Variants in MYH13 observed in about 807,000 individuals in gnomAD.
MYH13 encodes the protein myosin-13.
MYH13 carries 177 observed loss-of-function variants against 232.1 expected under a neutral mutation model. That is an observed-to-expected ratio of 0.76 (90% CI 0.67 to 0.86). The LOEUF (loss-of-function observed/expected upper bound fraction) is 0.86, where lower values mean the gene tolerates loss of function less well. Ranked by LOEUF, MYH13 falls within the 40% of genes least tolerant of loss-of-function variation. The pLI is 0.00. For missense variants in MYH13, 2,246 were observed against 2,405.9 expected, an observed-to-expected ratio of 0.93 and a Z score of 1.39; for synonymous variants, 884 against 923.5, an observed-to-expected ratio of 0.96 and a Z score of 0.78.
At position 10,357,725 on chromosome 17, in the gene MYH13, C is replaced by A. The variant is rs751017508; in HGVS notation, c.738+10G>T. ...TTGGGAGGATACTTGAAAATTGGGCCGGATCTTACAAATCTTGAGGAGTTG... is the reference window on the plus strand; with the variant it reads ...TTGGGAGGATACTTGAAAATTGGGCAGGATCTTACAAATCTTGAGGAGTTG... On this transcript the variant is annotated intron_variant, in intron 8 of 40. Coordinates refer to ENST00000252172, the MANE Select transcript of MYH13 (RefSeq NM_003802.3). 6.2e-7 allele frequency: 1 copy of A among 1,612,012 alleles called. No individual in the cohort carries two copies. The highest frequency in any genetic ancestry group is 1.3e-5 in the African/African-American group (1 of 74,822).
At chr17:10,321,765 C>A in intron 23 of MYH13, 57 bp from the exon 24 acceptor site, 1 of 1,470,640 alleles carries the variant, frequency 6.8e-7, no homozygotes, top group Non-Finnish European at 9.2e-7. Flanking sequence ...AAGCTTCCAT[C>A]AACAAAAGCT....
chr17:10,324,570 G>A (rs560947476), intron 22 of MYH13, among the ~76,000 whole-genome samples: 132 of 151,296 alleles, frequency 8.7e-4, no homozygotes, highest in African/African-American at 3.0e-3. Context: ...TCAGCCTCCC[G>A]AGTTGCTGGG....
In MYH13 at chr17:10,355,125, A is replaced by T; in HGVS notation, c.761T>A (p.Phe254Tyr). Residue 254 changes from phenylalanine to tyrosine, a missense_variant, in exon 9 of 41, where the codon TTT (phenylalanine) becomes TAT (tyrosine). By Grantham distance (22) the Phe-to-Tyr change is conservative. Coordinates refer to ENST00000252172, the MANE Select transcript of MYH13 (RefSeq NM_003802.3). ...CGATGCCAGCTTTCCTGTGGCTCCA[A>T]AATGAATCCGAATGAACTTCCCCTG... ...SRFGKFIRIH[F>Y]GATGKLASAD... 1 of 1,585,784 alleles carries T rather than the reference A, an allele frequency of 6.3e-7. No homozygotes were observed. Among genetic ancestry groups the T allele is most frequent in the East Asian group, 2.3e-5 (1 of 43,896 alleles).
intron 7 of MYH13, among the ~76,000 whole-genome samples, chr17:10,358,235 A>C (rs1412145038): frequency 6.6e-6 from 1 of 152,212 alleles, no homozygotes; most frequent in African/African-American, 2.4e-5. Context: ...TGAGCAAAGC[A>C]AGCGACCCAG....
chr17:10,335,527 C>T (rs1395266181), intron 18 of MYH13, among the ~76,000 whole-genome samples: 4 of 152,032 alleles, frequency 2.6e-5, no homozygotes, highest in African/African-American at 4.8e-5. Context: ...CCGAGGTGGG[C>T]GGATCGCCTG....
intron 22 of MYH13, chr17:10,324,759 T>TTTTTTTTG (rs1394639253): frequency 1.2e-5 from 1 of 86,694 alleles, no homozygotes; most frequent in East Asian, 3.0e-4. Context: ...TATACATGTT[T>TTTTTTTTG]TTTTTTTTTT....
rs367812040 is a variant in MYH13, at chr17:10,315,835, C to T, written c.3866-24G>A. 148 of 1,613,906 alleles carry T rather than the reference C, an allele frequency of 9.2e-5. No individual in the cohort carries two copies. In the Middle Eastern group the frequency reaches 9.9e-4, roughly 11 times the overall value. On this transcript the variant is annotated intron_variant, in intron 28 of 40. Coordinates refer to ENST00000252172, the MANE Select transcript of MYH13 (RefSeq NM_003802.3). ...CCCTACCAAACAGATGTGGCCCCCACGTCAGTGTTACTGACCACCCTCTCC... is the reference window on the plus strand; with the variant it reads ...CCCTACCAAACAGATGTGGCCCCCATGTCAGTGTTACTGACCACCCTCTCC...
chr17:10,356,115 C>G (rs989755247), intron 8 of MYH13, among the ~76,000 whole-genome samples: 1 of 152,054 alleles, frequency 6.6e-6, no homozygotes, highest in Non-Finnish European at 1.5e-5. Context: ...CGACACTGTG[C>G]GCAAATTTGA....
At chr17:10,321,985 G>A (rs1216425038) in intron 23 of MYH13, among the ~76,000 whole-genome samples, 1 of 152,170 alleles carries the variant, frequency 6.6e-6, no homozygotes, top group Admixed American at 6.5e-5. Flanking sequence ...CCTCTGAAGG[G>A]TAAAACATCA....
In MYH13 at chr17:10,320,311, T is replaced by G. The variant is rs367910850; in HGVS notation, c.3257+40A>C. 6.9e-5 allele frequency: 111 copies of G among 1,608,860 alleles called. No homozygotes were observed. In the Middle Eastern group the frequency reaches 8.2e-4, roughly 12 times the overall value. ...CCTCTTGGAGGGGGTGAAAGTTGGCTTTTAGGCTGAGACACAGAGGTGGTA... is the reference window on the plus strand; with the variant it reads ...CCTCTTGGAGGGGGTGAAAGTTGGCGTTTAGGCTGAGACACAGAGGTGGTA... On this transcript the variant is annotated intron_variant, in intron 25 of 40. Coordinates refer to ENST00000252172, the MANE Select transcript of MYH13 (RefSeq NM_003802.3).
Position 10,320,168 on chromosome 17 carries a change from C to G in MYH13, c.3333G>C (p.Lys1111Asn), listed in dbSNP as rs1349886110. 3.8e-6 allele frequency: 6 copies of G among 1,590,164 alleles called. No homozygotes were observed. In the South Asian group the frequency reaches 6.9e-5, roughly 18 times the overall value. The change falls in exon 26 of 41, where the codon AAG (lysine) becomes AAC (asparagine). Residue 1111 changes from lysine (K) to asparagine (N), a missense_variant. Physicochemically the swap from Lys to Asn is moderately conservative, Grantham distance 94. Transcript: ENST00000252172. Reference sequence around the variant, plus strand: ...ATGCTTTTACTTGCAGTTCTTTAATCTTCTTTTGAAACTGCAAACTGTGGA... The same window carrying G: ...ATGCTTTTACTTGCAGTTCTTTAATGTTCTTTTGAAACTGCAAACTGTGGA... ...EQVHSLQFQK[K>N]IKELQARIEE...
chr17:10,312,602 A>C lies in MYH13; in HGVS notation c.4337T>G (p.Leu1446Arg). 6.2e-7 allele frequency: 1 copy of C among 1,613,210 alleles called. No individual in the cohort carries two copies. The highest frequency in any genetic ancestry group is 1.1e-5 in the South Asian group (1 of 90,818). The change falls in exon 31 of 41, where the codon CTG (leucine) becomes CGG (arginine). Residue 1446 changes from leucine to arginine, a missense_variant. Leu to Arg is a moderately radical substitution (Grantham distance 102). Coordinates refer to ENST00000252172, the MANE Select transcript of MYH13 (RefSeq NM_003802.3). Reference sequence around the variant, plus strand: ...GTCGAAGTTCCTCTGCTTCTTGTCCAGTGTGGCACAGGCGGTGTGGGAGCG... The same window carrying C: ...GTCGAAGTTCCTCTGCTTCTTGTCCCGTGTGGCACAGGCGGTGTGGGAGCG... ...LERSHTACAT[L>R]DKKQRNFDKV...
intron 13 of MYH13, 21 bp from the exon 14 acceptor site, chr17:10,345,637 T>C (rs376933812): frequency 6.2e-7 from 1 of 1,614,150 alleles, no homozygotes; most frequent in South Asian, 1.1e-5. Flanking sequence ...GATCACCCAC[T>C]CAACCCTTGA....
Position 10,362,411 on chromosome 17 carries a change from T to C in MYH13, c.297A>G (p.Glu99=), listed in dbSNP as rs1297857922. ...CTTTGAGGTTGTACAGAACAGCAGG[T>C]TCATGCAGGTGAGTCATCATGGCCA... ...EDMAMMTHLH[E]PAVLYNLKER... The change falls in exon 4 of 41, where the codon GAA becomes GAG. Residue 99 remains glutamate, a synonymous_variant. Coordinates refer to ENST00000252172, the MANE Select transcript of MYH13 (RefSeq NM_003802.3). The C allele has an allele frequency of 4.3e-6, 7 of 1,614,012 alleles. No individual in the cohort carries two copies. Among genetic ancestry groups the C allele is most frequent in the African/African-American group, 4.0e-5 (3 of 74,890 alleles).
chr17:10,362,452 C>G lies in MYH13; in HGVS notation c.256G>C (p.Asp86His). 3 of 1,614,046 alleles carry G rather than the reference C, an allele frequency of 1.9e-6. No individual in the cohort carries two copies. The highest frequency in any genetic ancestry group is 2.5e-6 in the Non-Finnish European group (3 of 1,180,024). The change falls in exon 4 of 41, where the codon GAC (aspartate) becomes CAC (histidine). Residue 86 changes from aspartate (D) to histidine (H), a missense_variant. Transcript: ENST00000252172. ...ATCATGGCCATGTCCTCGATCTTGTCAAATTTGGGAGGGTTCATGGGGAAG... is the reference window on the plus strand; with the variant it reads ...ATCATGGCCATGTCCTCGATCTTGTGAAATTTGGGAGGGTTCATGGGGAAG... Reference protein sequence around the residue: ...QVFPMNPPKFDKIEDMAMMTH... With the variant: ...QVFPMNPPKFHKIEDMAMMTH...
At chr17:10,348,358 G>A (rs757383595) in intron 12 of MYH13, among the ~76,000 whole-genome samples, 5 of 152,318 alleles carry the variant, frequency 3.3e-5, no homozygotes, top group African/African-American at 7.2e-5. Context: ...CTCTAGAGTC[G>A]GACTGCTCTA....
At position 10,330,411 on chromosome 17, in the gene MYH13, T is replaced by C. The variant is rs764601650; in HGVS notation, c.2411A>G (p.Glu804Gly). ...AVCRGYLMRV[E>G]FKKMMERRDS... ...CCTCCTCTCCATCATCTTCTTGAAC[T>C]CCACCCGCATCAGGTACCCCCTGCA... The change falls in exon 21 of 41, where the codon GAG becomes GGG. Residue 804 changes from glutamate (E) to glycine (G), a missense_variant. Glu to Gly is a moderately conservative substitution (Grantham distance 98). Coordinates refer to ENST00000252172, the MANE Select transcript of MYH13 (RefSeq NM_003802.3). 1.2e-6 allele frequency: 2 copies of C among 1,613,612 alleles called. No individual in the cohort carries two copies. The highest frequency in any genetic ancestry group is 2.2e-5 in the East Asian group (1 of 44,864).
chr17:10,325,919 C>T (rs1279110602), intron 22 of MYH13, among the ~76,000 whole-genome samples: 1 of 152,198 alleles, frequency 6.6e-6, no homozygotes, highest in Non-Finnish European at 1.5e-5. Flanking sequence ...TCATGATCCG[C>T]CCGCCTCGGC....
At chr17:10,357,955 C>G (rs923230594) in intron 7 of MYH13, 128 bp from the exon 8 acceptor site, 1 of 711,786 alleles carries the variant, frequency 1.4e-6, no homozygotes, top group Non-Finnish European at 2.3e-6. Flanking sequence ...ACCTGGTGGT[C>G]AGTGCAGCAC....
Sources: allele counts gnomAD v4.1 joint callset (sites outside exome capture counted in the v4.1 genomes callset), GRCh38; gene constraint gnomAD v4.1.1; transcripts MANE v1.5; gene names NCBI Gene and HGNC (gene_info 2026-07-23, HGNC 2026-07-21).